UBE2Q2: variants seen among roughly 807,000 people sequenced by gnomAD.
UBE2Q2 encodes ubiquitin conjugating enzyme E2 Q2.
A neutral mutation model predicts 59.9 loss-of-function variants in UBE2Q2; 54 were observed. The ratio of observed to expected loss-of-function variants is 0.90; its 90% CI spans 0.72 to 1.13. The LOEUF is 1.13. Among genes scored for constraint, UBE2Q2 ranks in the 50% most tolerant of loss-of-function variants. UBE2Q2 has a pLI of 0.00. For synonymous variants in UBE2Q2, 165 were observed against 155.2 expected (o/e 1.06, Z -0.47); for missense variants, 433 against 441.9 (o/e 0.98, Z 0.18).
chr15:75,897,436 G>A (rs1179243074), intron 12 of UBE2Q2, among the ~76,000 whole-genome samples: 1 of 151,760 alleles, frequency 6.6e-6, no homozygotes, highest in African/African-American at 2.4e-5. Context: ...AGCCAGGATG[G>A]TCTCGATCTC....
At position 75,873,486 on chromosome 15, in the gene UBE2Q2, A is replaced by T; in HGVS notation, c.506A>T (p.Lys169Met). Residue 169 changes from lysine to methionine, a missense_variant, in exon 5 of 13, where the codon AAG (lysine) becomes ATG (methionine). By Grantham distance (95) the Lys-to-Met change is moderately conservative. Transcript: ENST00000267938. Reference sequence around the variant, plus strand: ...GAAGAAGAGCCTATTAGTGGGAAAAAGTCAGAGGATGAAGGAATTGAAAAA... The same window carrying T: ...GAAGAAGAGCCTATTAGTGGGAAAATGTCAGAGGATGAAGGAATTGAAAAA... ...MKEEEPISGK[K>M]SEDEGIEKEN... 1 of 1,613,854 alleles carries T rather than the reference A, an allele frequency of 6.2e-7. No individual in the cohort carries two copies.
At chr15:75,857,076 C>T (rs1896956708) in intron 2 of UBE2Q2, among the ~76,000 whole-genome samples, 2 of 152,126 alleles carry the variant, frequency 1.3e-5, no homozygotes, top group African/African-American at 4.8e-5. Flanking sequence ...GCTTTGGCAA[C>T]ATAGCAAGAC....
chr15:75,890,540 A>G (rs1899040853), intron 10 of UBE2Q2, 57 bp downstream of exon 10: 1 of 1,495,842 alleles, frequency 6.7e-7, no homozygotes, highest in South Asian at 1.2e-5. Context: ...TGATCATGTA[A>G]ATTAGATTGT....
intron 11 of UBE2Q2, among the ~76,000 whole-genome samples, chr15:75,892,575 T>C (rs944494865): frequency 2.0e-5 from 3 of 151,998 alleles, no homozygotes; most frequent in Non-Finnish European, 4.4e-5. Flanking sequence ...AATTAAAAAA[T>C]GTAGATGGGT....
At chr15:75,850,655 A>G (rs1189338572) in intron 1 of UBE2Q2, among the ~76,000 whole-genome samples, 7 of 152,192 alleles carry the variant, frequency 4.6e-5, no homozygotes, top group Non-Finnish European at 8.8e-5. Context: ...CAATGGAACT[A>G]TGTAAGTTAA....
chr15:75,846,410 G>T (rs547764376), intron 1 of UBE2Q2, among the ~76,000 whole-genome samples: 18 of 152,144 alleles, frequency 1.2e-4, no homozygotes, highest in African/African-American at 4.3e-4. Flanking sequence ...GCTAATTTTT[G>T]TGTTTTTAGT....
rs1278510206 is a variant in UBE2Q2 at position 75,872,241 on chromosome 15, AT to A, written c.448-1186del. 4.6e-5 allele frequency among the ~76,000 whole-genome samples: 7 copies of A among 152,258 alleles called. No individual in the cohort carries two copies. In the East Asian group the frequency reaches 9.7e-4, roughly 21 times the overall value. ...AGACTCCATCTCAAAAAATAAAAAAATAAACCCAAAAAGGAGGCCTATTGAA... is the reference window on the plus strand; with the variant it reads ...AGACTCCATCTCAAAAAATAAAAAAAAAACCCAAAAAGGAGGCCTATTGAA... On this transcript the variant is annotated intron_variant, in intron 4 of 12. Coordinates refer to ENST00000267938, the MANE Select transcript of UBE2Q2 (RefSeq NM_173469.4).
At chr15:75,865,804 G>GTT (rs199640921) in intron 3 of UBE2Q2, among the ~76,000 whole-genome samples, 1 of 86,282 alleles carries the variant, frequency 1.2e-5, no homozygotes, top group African/African-American at 3.0e-5. Flanking sequence ...ATATCTGGTT[G>GTT]TTTTTTTTTT....
chr15:75,856,931 A>G (rs1313749946), intron 2 of UBE2Q2, among the ~76,000 whole-genome samples: 2 of 148,674 alleles, frequency 1.3e-5, no homozygotes, highest in Non-Finnish European at 3.0e-5. Flanking sequence ...ACAGAGCAAG[A>G]CTCTGTCTCC....
intron 1 of UBE2Q2, 128 bp downstream of exon 1, chr15:75,843,974 TC>T: frequency 7.1e-7 from 1 of 1,400,864 alleles, no homozygotes; most frequent in Non-Finnish European, 9.2e-7. Context: ...CCCGCCCCTT[TC>T]CCCCGCGACT....
Position 75,890,922 on chromosome 15 carries a change from T to C in UBE2Q2, c.937T>C (p.Trp313Arg). The C allele has an allele frequency of 6.2e-7, 1 of 1,613,014 alleles. No homozygotes were observed. Among genetic ancestry groups the C allele is most frequent in the Non-Finnish European group, 8.5e-7 (1 of 1,179,754 alleles). ...GAGATACTTTGTTCTTCTGTAGGGC[T>C]GGAGCAGTGCCTACTCAATAGAATC... ...LCMELLTKQG[W>R]SSAYSIESVI... The change falls in exon 11 of 13, where the codon TGG becomes CGG. Residue 313 changes from tryptophan to arginine, a missense_variant. Coordinates refer to ENST00000267938, the MANE Select transcript of UBE2Q2 (RefSeq NM_173469.4).
rs762107703 is a variant in UBE2Q2 at position 75,877,952 on chromosome 15, T to C, written c.674-9T>C. On this transcript the variant is annotated splice_polypyrimidine_tract_variant and intron_variant, in intron 6 of 12. Coordinates refer to ENST00000267938, the MANE Select transcript of UBE2Q2 (RefSeq NM_173469.4). ...TGAAGAGTAGCTAACATGCTCTATA[T>C]CTTAACAGGGATTTATTCAGTGGAA... is the stretch of plus-strand genomic sequence containing the variant. The C allele has an allele frequency of 1.5e-5, 24 of 1,611,906 alleles. 1 individual carries two copies. The highest frequency in any genetic ancestry group is 1.7e-6 in the Non-Finnish European group (2 of 1,178,642).
In UBE2Q2 at chr15:75,879,855, C is replaced by T. The variant is rs75634133; in HGVS notation, c.825+667C>T. Among the ~76,000 whole-genome samples, 498 of 152,004 alleles carry T rather than the reference C, an allele frequency of 3.3e-3. 22 individuals carry two copies. The East Asian group carries it at 0.086, about 26-fold the overall frequency. Reference sequence around the variant, plus strand: ...GATTCATACGTGAGCAGTAAAACTGCCCAAAGAGGAAAACTGTCCAAGAAC... The same window carrying T: ...GATTCATACGTGAGCAGTAAAACTGTCCAAAGAGGAAAACTGTCCAAGAAC... On this transcript the variant is annotated intron_variant, in intron 8 of 12. Coordinates refer to ENST00000267938, the MANE Select transcript of UBE2Q2 (RefSeq NM_173469.4).
At chr15:75,883,501 T>A in intron 9 of UBE2Q2, 77 bp downstream of exon 9, 1 of 1,035,666 alleles carries the variant, frequency 9.7e-7, no homozygotes, top group Non-Finnish European at 1.5e-6. Context: ...GAGATCTCAC[T>A]ATGTTGCCCT....
intron 10 of UBE2Q2, 88 bp downstream of exon 10, chr15:75,890,571 G>A (rs1247292427): frequency 8.9e-7 from 1 of 1,120,960 alleles, no homozygotes; most frequent in Non-Finnish European, 1.3e-6. Context: ...TTCTTTAATA[G>A]CTCCTACTCT....
At chr15:75,851,796 C>G (rs1328314630) in intron 1 of UBE2Q2, among the ~76,000 whole-genome samples, 1 of 152,116 alleles carries the variant, frequency 6.6e-6, no homozygotes, top group African/African-American at 2.4e-5. Flanking sequence ...ATGTATACTT[C>G]CCGTTTCATC....
chr15:75,866,619 G>C (rs1897495887), intron 3 of UBE2Q2, among the ~76,000 whole-genome samples: 1 of 151,966 alleles, frequency 6.6e-6, no homozygotes, highest in African/African-American at 2.4e-5. Flanking sequence ...TCCCTTAACT[G>C]TTCTCTTACT....
At position 75,871,063 on chromosome 15, in the gene UBE2Q2, G is replaced by A. The variant is rs144077233; in HGVS notation, c.447+2053G>A. 1.6e-4 allele frequency among the ~76,000 whole-genome samples: 25 copies of A among 152,338 alleles called. No homozygotes were observed. In the East Asian group the frequency reaches 4.4e-3, roughly 27 times the overall value. The stretch of plus-strand genomic sequence containing the variant: ...GTAGGTGTTTCTCCGAGAGGGGGAT[G>A]TGTCAGGGTCACAAGACAATAGTGG... On this transcript the variant is annotated intron_variant, in intron 4 of 12. Transcript: ENST00000267938.
chr15:75,862,375 A>G (rs1475457431), intron 3 of UBE2Q2, among the ~76,000 whole-genome samples: 1 of 146,480 alleles, frequency 6.8e-6, no homozygotes, highest in East Asian at 2.0e-4. Flanking sequence ...TCTCCCTAGC[A>G]TCTCTTTTTT....
Sources: gnomAD v4.1 joint callset for allele counts (sites outside exome capture counted in the v4.1 genomes callset) on GRCh38, gnomAD v4.1.1 for gene constraint, MANE v1.5 for transcripts, NCBI Gene and HGNC (gene_info 2026-07-23, HGNC 2026-07-21) for gene names.